PNRC1: variants seen among roughly 807,000 people sequenced by gnomAD.
PNRC1 encodes proline-rich nuclear receptor coactivator 1.
In PNRC1, 6 loss-of-function variants were observed where a neutral mutation model predicts 20.2. The ratio of observed to expected loss-of-function variants is 0.30; its 90% CI spans 0.16 to 0.59. The LOEUF (loss-of-function observed/expected upper bound fraction) is 0.59, where lower values mean the gene tolerates loss of function less well. PNRC1 is among the 20% of genes least tolerant of loss of function. PNRC1 has a pLI of 0.89. For missense variants in PNRC1, 488 were observed against 430.2 expected, an observed-to-expected ratio of 1.13 and a Z score of -1.19; for synonymous variants, 202 against 186.9, an observed-to-expected ratio of 1.08 and a Z score of -0.66.
At chr6:89,083,557 T>C (rs1582237859) in intron 1 of PNRC1, among the ~76,000 whole-genome samples, 196 bp from the exon 2 acceptor site, 1 of 152,328 alleles carries the variant, frequency 6.6e-6, no homozygotes, top group East Asian at 1.9e-4. Flanking sequence ...TTGCGATATT[T>C]GGTTTTCTGT....
In PNRC1 at chr6:89,084,301, T is replaced by C. The variant is rs542887135; in HGVS notation, c.*105T>C. On this transcript the variant is annotated 3_prime_UTR_variant, in exon 2 of 2. Coordinates refer to ENST00000336032, the MANE Select transcript of PNRC1 (RefSeq NM_006813.3). Reference sequence around the variant, plus strand: ...AATTTGCCTTGTTGCAACATACAATTGCAAAAGATGAGTTTAAAAAATTAC... The same window carrying C: ...AATTTGCCTTGTTGCAACATACAATCGCAAAAGATGAGTTTAAAAAATTAC... The C allele has an allele frequency of 1.4e-6, 1 of 695,642 alleles. No homozygotes were observed. The highest frequency in any genetic ancestry group is 2.8e-5 in the East Asian group (1 of 36,082). 43.1% of individuals were successfully genotyped at this position (695,642 alleles called of 1,614,324 possible).
At chr6:89,083,584 C>G (rs569702551) in intron 1 of PNRC1, among the ~76,000 whole-genome samples, 169 bp from the exon 2 acceptor site, 52 of 152,232 alleles carry the variant, frequency 3.4e-4, no homozygotes, top group Non-Finnish European at 6.8e-4. Flanking sequence ...ATTAATTCGT[C>G]TAGGGTAATG....
chr6:89,083,559 G>T (rs1768049366), intron 1 of PNRC1, among the ~76,000 whole-genome samples, 194 bp from the exon 2 acceptor site: 1 of 152,088 alleles, frequency 6.6e-6, no homozygotes, highest in Admixed American at 6.5e-5. Context: ...GCGATATTTG[G>T]TTTTCTGTTT....
chr6:89,081,394 T>G lies in PNRC1; in HGVS notation c.500T>G (p.Leu167Arg). Residue 167 changes from leucine (L) to arginine (R), a missense_variant, in exon 1 of 2, where the codon CTG becomes CGG. Coordinates refer to ENST00000336032, the MANE Select transcript of PNRC1 (RefSeq NM_006813.3). ...GGAGCCAGCCCCGACCTTGCCCCGC[T>G]GCGGCCCGCGGCTCCCGGCCAAACC... ...TEGASPDLAPLRPAAPGQTPL... is the reference protein window; with the variant it reads ...TEGASPDLAPRRPAAPGQTPL... 7.4e-7 allele frequency: 1 copy of G among 1,353,398 alleles called. No individual in the cohort carries two copies. The highest frequency in any genetic ancestry group is 9.4e-7 in the Non-Finnish European group (1 of 1,060,962). 83.8% of individuals were successfully genotyped at this position (1,353,398 alleles called of 1,614,324 possible).
Position 89,080,981 on chromosome 6 carries a change from T to C in PNRC1, c.87T>C (p.Phe29=), listed in dbSNP as rs750221705. The C allele has an allele frequency of 5.0e-6, 8 of 1,613,352 alleles. No homozygotes were observed. The highest frequency in any genetic ancestry group is 6.8e-6 in the Non-Finnish European group (8 of 1,179,982). The change falls in exon 1 of 2, where the codon TTT becomes TTC. Residue 29 remains phenylalanine (F), a synonymous_variant. Coordinates refer to ENST00000336032, the MANE Select transcript of PNRC1 (RefSeq NM_006813.3). ...APLGFSSRGY[F]GALPMVTTAP... ...TTGGCTTTTCCTCCCGAGGTTACTTTGGGGCCCTCCCGATGGTGACCACGG... is the reference window on the plus strand; with the variant it reads ...TTGGCTTTTCCTCCCGAGGTTACTTCGGGGCCCTCCCGATGGTGACCACGG...
At position 89,081,056 on chromosome 6, in the gene PNRC1, C is replaced by T; in HGVS notation, c.162C>T (p.Thr54=). Residue 54 remains threonine, a synonymous_variant, in exon 1 of 2, where the codon ACC becomes ACT. Transcript: ENST00000336032. ...RIPDPRALPP[T]LFLPHFLGGD... ...CGGACCCCCGGGCACTGCCCCCGAC[C>T]CTCTTCCTCCCTCATTTCCTAGGGG... 6.2e-7 allele frequency: 1 copy of T among 1,610,688 alleles called. No individual in the cohort carries two copies. Among genetic ancestry groups the T allele is most frequent in the East Asian group, 2.2e-5 (1 of 44,840 alleles).
At chr6:89,082,071 C>A (rs893046412) in intron 1 of PNRC1, 2 of 152,342 alleles carry the variant, frequency 1.3e-5, no homozygotes, top group Non-Finnish European at 2.9e-5. Context: ...CGGGCCTGAC[C>A]TACTTAGTGG....
At chr6:89,081,621 G>A (rs1767999935) in intron 1 of PNRC1, among the ~76,000 whole-genome samples, 187 bp downstream of exon 1, 1 of 152,040 alleles carries the variant, frequency 6.6e-6, no homozygotes, top group African/African-American at 2.4e-5. Context: ...AAGGGGGAAG[G>A]GGAGGCATGC....
In PNRC1 at chr6:89,080,792, C is replaced by T. The variant is rs1767960158; in HGVS notation, c.-103C>T. The T allele has an allele frequency of 8.8e-7, 1 of 1,129,990 alleles. No individual in the cohort carries two copies. The highest frequency in any genetic ancestry group is 1.3e-6 in the Non-Finnish European group (1 of 769,444). The allele number at this position is 1,129,990 out of a possible 1,614,324, so 70.0% of individuals were successfully genotyped here. On this transcript the variant is annotated 5_prime_UTR_variant, in exon 1 of 2. Transcript: ENST00000336032. ...CGCCCGAGTCATGTTCCGCGATCTT[C>T]TCAGGCTCTCCTAGCAGCATCCATC...
chr6:89,083,004 T>G (rs566729720), intron 1 of PNRC1, among the ~76,000 whole-genome samples: 37 of 151,084 alleles, frequency 2.4e-4, no homozygotes, highest in African/African-American at 9.0e-4. Context: ...AGTTTTTTGT[T>G]GTTTTTTTTT....
intron 1 of PNRC1, among the ~76,000 whole-genome samples, chr6:89,083,504 T>C (rs1280123105): frequency 6.6e-6 from 1 of 152,184 alleles, no homozygotes; most frequent in African/African-American, 2.4e-5. Context: ...ATATCCATGT[T>C]GTACCCAGTG....
chr6:89,084,338 T>C lies in PNRC1; in HGVS notation c.*142T>C. ...GTTTAAAAAATTACATACAAACAGCTTGTATTATATTTTATATTTTGTAAA... is the reference window on the plus strand; with the variant it reads ...GTTTAAAAAATTACATACAAACAGCCTGTATTATATTTTATATTTTGTAAA... On this transcript the variant is annotated 3_prime_UTR_variant, in exon 2 of 2. Transcript: ENST00000336032. 1 of 591,582 alleles carries C rather than the reference T, an allele frequency of 1.7e-6. No individual in the cohort carries two copies. Among genetic ancestry groups the C allele is most frequent in the Non-Finnish European group, 3.0e-6 (1 of 332,540 alleles). 36.6% of individuals were successfully genotyped at this position (591,582 alleles called of 1,614,324 possible). A position where few individuals can be genotyped will look rare whatever the true frequency, so the allele number is the denominator to read the frequency against.
chr6:89,081,972 G>C (rs1330696019), intron 1 of PNRC1: 1 of 152,566 alleles, frequency 6.6e-6, no homozygotes, highest in South Asian at 2.1e-4. Flanking sequence ...AGTGGGCTCC[G>C]AGCGGCTGGG....
At position 89,081,182 on chromosome 6, in the gene PNRC1, G is replaced by A; in HGVS notation, c.288G>A (p.Lys96=). Residue 96 remains lysine (K), a synonymous_variant, in exon 1 of 2, where the codon AAG becomes AAA. Coordinates refer to ENST00000336032, the MANE Select transcript of PNRC1 (RefSeq NM_006813.3). ...AGGTPRAAPK[K]RRKKKVRASP... The stretch of plus-strand genomic sequence containing the variant: ...GCACTCCTCGGGCAGCGCCGAAGAA[G>A]CGGCGAAAGAAGAAGGTGCGGGCCA... The A allele has an allele frequency of 1.3e-6, 2 of 1,585,472 alleles. No individual in the cohort carries two copies. The highest frequency in any genetic ancestry group is 1.7e-6 in the Non-Finnish European group (2 of 1,172,512).
At chr6:89,081,954 G>A (rs1192252565) in intron 1 of PNRC1, 1 of 152,420 alleles carries the variant, frequency 6.6e-6, no homozygotes, top group Non-Finnish European at 1.5e-5. Flanking sequence ...TCCCGCCGTA[G>A]GGGGTGGAGT....
At position 89,084,122 on chromosome 6, in the gene PNRC1, A is replaced by C. The variant is rs1768062447; in HGVS notation, c.910A>C (p.Thr304Pro). The C allele has an allele frequency of 6.2e-7, 1 of 1,612,278 alleles. No homozygotes were observed. Among genetic ancestry groups the C allele is most frequent in the Non-Finnish European group, 8.5e-7 (1 of 1,179,536 alleles). The change falls in exon 2 of 2, where the codon ACT becomes CCT. Residue 304 changes from threonine to proline, a missense_variant. Transcript: ENST00000336032. Reference sequence around the variant, plus strand: ...GCCTCCTAGTCACTGGATGGGAAGCACTGTTGAAAATTCCAACCAAAACAG... The same window carrying C: ...GCCTCCTAGTCACTGGATGGGAAGCCCTGTTGAAAATTCCAACCAAAACAG... ...PKPPSHWMGS[T>P]VENSNQNREL... is the part of the protein sequence containing the mutation.
intron 1 of PNRC1, 129 bp from the exon 2 acceptor site, chr6:89,083,620 CAAAG>C (rs377636847): frequency 3.1e-6 from 2 of 649,148 alleles, no homozygotes; most frequent in African/African-American, 3.7e-5. Context: ...CGTGTTGTCA[CAAAG>C]AACATAATTT....
Position 89,080,920 on chromosome 6 carries a change from G to C in PNRC1, c.26G>C (p.Arg9Pro). ...ATGACTGTCGTCTCCGTCCCGCAGC[G>C]GGAGCCGCTCGTCCTGGGTGGCCGC... MTVVSVPQ[R>P]EPLVLGGRLA... Residue 9 changes from arginine (R) to proline (P), a missense_variant, in exon 1 of 2, where the codon CGG (arginine) becomes CCG (proline). Transcript: ENST00000336032. 6.2e-7 allele frequency: 1 copy of C among 1,612,422 alleles called. No individual in the cohort carries two copies. The highest frequency in any genetic ancestry group is 8.5e-7 in the Non-Finnish European group (1 of 1,180,002).
In PNRC1 at chr6:89,081,340, C is replaced by G. The variant is rs2231272; in HGVS notation, c.446C>G (p.Pro149Arg). 2,918 of 1,457,404 alleles carry G rather than the reference C, an allele frequency of 2.0e-3. 60 individuals are homozygous for G. In the African/African-American group the frequency reaches 0.039, roughly 19 times the overall value. The allele number at this position is 1,457,404 out of a possible 1,614,324, so 90.3% of individuals were successfully genotyped here. Residue 149 changes from proline to arginine, a missense_variant, in exon 1 of 2, where the codon CCG (proline) becomes CGG (arginine). Physicochemically the swap from Pro to Arg is moderately radical, Grantham distance 103 (BLOSUM62 -2). Transcript: ENST00000336032. Reference protein sequence around the residue: ...EVPGPAAALAPSPAAAAGTEG... With the variant: ...EVPGPAAALARSPAAAAGTEG... ...CCGGGCCCGGCCGCCGCCTTGGCCC[C>G]GAGTCCTGCAGCCGCAGCCGGCACG...
Sources: allele counts gnomAD v4.1 joint callset (sites outside exome capture counted in the v4.1 genomes callset), GRCh38; gene constraint gnomAD v4.1.1; transcripts MANE v1.5; gene names NCBI Gene and HGNC (gene_info 2026-07-23, HGNC 2026-07-21).